ARMC5: variants seen among roughly 807,000 people sequenced by gnomAD.
ARMC5 encodes armadillo repeat containing 5, also known as armadillo repeat-containing protein 5.
In ARMC5, 28 loss-of-function variants were observed where a neutral mutation model predicts 60.5. That is an observed-to-expected ratio of 0.46 (90% CI 0.34 to 0.63). The LOEUF (loss-of-function observed/expected upper bound fraction) is 0.63. Among genes scored for constraint, ARMC5 ranks in the 30% least tolerant of loss-of-function variants. The pLI is 0.01. For missense variants in ARMC5, 1,189 were observed against 1,304.9 expected, an observed-to-expected ratio of 0.91 and a Z score of 1.37; for synonymous variants, 680 against 607.3, an observed-to-expected ratio of 1.12 and a Z score of -1.76.
chr16:31,461,609 G>A (rs960047379), intron 1 of ARMC5, among the ~76,000 whole-genome samples: 1 of 152,208 alleles, frequency 6.6e-6, no homozygotes, highest in African/African-American at 2.4e-5. Flanking sequence ...CTGGGTTCAA[G>A]CAATTCTCCT....
intron 1 of ARMC5, 51 bp downstream of exon 1, chr16:31,460,050 G>C: frequency 6.3e-7 from 1 of 1,580,534 alleles, no homozygotes. Flanking sequence ...CAACTCCCTT[G>C]CTCTCTAGAC....
Position 31,464,546 on chromosome 16 carries a change from G to C in ARMC5, c.1523G>C (p.Gly508Ala), listed in dbSNP as rs1034459980. 22 of 1,588,128 alleles carry C rather than the reference G, an allele frequency of 1.4e-5. 1 individual carries two copies. The highest frequency in any genetic ancestry group is 1.6e-5 in the Non-Finnish European group (19 of 1,168,912). ...GCACCACGCACCCAACGCACTCCGGGCCGCAGCCCCGCCGCCGCCATCGAG... is the reference window on the plus strand; with the variant it reads ...GCACCACGCACCCAACGCACTCCGGCCCGCAGCCCCGCCGCCGCCATCGAG... ...LRAPRTQRTPGRSPAAAIEEP... is the reference protein window; with the variant it reads ...LRAPRTQRTPARSPAAAIEEP... Residue 508 changes from glycine to alanine, a missense_variant, in exon 4 of 6, where the codon GGC (glycine) becomes GCC (alanine). Physicochemically the swap from Gly to Ala is moderately conservative, Grantham distance 60. Around this residue, in one of 2 missense-constraint regions of ARMC5, gnomAD observed 862 missense variants for 1,071.2 expected, o/e 0.80. Coordinates refer to ENST00000268314, the MANE Select transcript of ARMC5 (RefSeq NM_001105247.2). The surrounding 1 kb of genome is among the most constrained non-coding windows in gnomAD (Gnocchi z 7.6).
In ARMC5 at chr16:31,464,464, T is replaced by C. The variant is rs1214530778; in HGVS notation, c.1441T>C (p.Cys481Arg). ...DISPDWSPEQ[C>R]PPEPMEPASP... Reference sequence around the variant, plus strand: ...CTCCCCCGACTGGTCTCCTGAGCAGTGTCCGCCGGAGCCCATGGAGCCGGC... The same window carrying C: ...CTCCCCCGACTGGTCTCCTGAGCAGCGTCCGCCGGAGCCCATGGAGCCGGC... Residue 481 changes from cysteine to arginine, a missense_variant, in exon 4 of 6, where the codon TGT (cysteine) becomes CGT (arginine). Cys to Arg is a radical substitution (Grantham distance 180). This residue lies in a region of ARMC5 where 862 missense variants were observed against 1,071.2 expected (regional missense o/e 0.80). Coordinates refer to ENST00000268314, the MANE Select transcript of ARMC5 (RefSeq NM_001105247.2). The surrounding 1 kb of genome is among the most constrained non-coding windows in gnomAD (Gnocchi z 7.6). 3.1e-6 allele frequency: 5 copies of C among 1,601,428 alleles called. No individual in the cohort carries two copies. The highest frequency in any genetic ancestry group is 3.4e-6 in the Non-Finnish European group (4 of 1,175,266).
At chr16:31,460,108 T>G in intron 1 of ARMC5, 109 bp downstream of exon 1, 1 of 1,204,328 alleles carries the variant, frequency 8.3e-7, no homozygotes, top group South Asian at 1.3e-5. Context: ...TAACGTGCTT[T>G]GTGATGGCGC....
intron 3 of ARMC5, among the ~76,000 whole-genome samples, chr16:31,463,179 A>C (rs1188506524): frequency 2.0e-5 from 3 of 151,210 alleles, no homozygotes; most frequent in Non-Finnish European, 4.4e-5. Flanking sequence ...ACTCACTGCA[A>C]CCTCTACCTC....
intron 1 of ARMC5, 176 bp downstream of exon 1, chr16:31,460,175 TGAGA>T: frequency 1.6e-6 from 1 of 632,406 alleles, no homozygotes; most frequent in Non-Finnish European, 2.6e-6. Flanking sequence ...TCTCTATAGA[TGAGA>T]GAGAGCCCTC....
chr16:31,461,919 C>G lies in ARMC5; in HGVS notation c.476-3C>G. 1 of 1,613,682 alleles carries G rather than the reference C, an allele frequency of 6.2e-7. No individual in the cohort carries two copies. The highest frequency in any genetic ancestry group is 8.5e-7 in the Non-Finnish European group (1 of 1,179,560). On this transcript the variant is annotated splice_polypyrimidine_tract_variant and splice_region_variant and intron_variant, in intron 1 of 5. Coordinates refer to ENST00000268314, the MANE Select transcript of ARMC5 (RefSeq NM_001105247.2). ...CCCTCACAAGCCCAAACTGTCGTTG[C>G]AGTGACCATTCTTCAGTGCATGAAG...
intron 1 of ARMC5, 37 bp downstream of exon 1, chr16:31,460,036 T>G (rs1474194926): frequency 6.3e-7 from 1 of 1,589,988 alleles, no homozygotes; most frequent in Admixed American, 1.7e-5. Flanking sequence ...AAAGATTAGG[T>G]TTGCAACTCC....
chr16:31,460,720 A>G (rs1270375358), intron 1 of ARMC5, among the ~76,000 whole-genome samples: 2 of 152,240 alleles, frequency 1.3e-5, no homozygotes, highest in African/African-American at 4.8e-5. Context: ...AGCCTGGGCA[A>G]CGTAACAAGA....
rs1377431315 is a variant in ARMC5 at position 31,459,508 on chromosome 16, C to G, written c.-17C>G. ...TCAGCGGCGAGAAGCGGGGCGGAGT[C>G]TGAGGCCCGAGCCAAGATGGCGGCT... On this transcript the variant is annotated 5_prime_UTR_variant, in exon 1 of 6. Transcript: ENST00000268314. 1.9e-6 allele frequency: 3 copies of G among 1,594,098 alleles called. No homozygotes were observed. The highest frequency in any genetic ancestry group is 2.6e-6 in the Non-Finnish European group (3 of 1,173,504).
At position 31,462,036 on chromosome 16, in the gene ARMC5, G is replaced by A; in HGVS notation, c.583+7G>A. 5 of 1,614,110 alleles carry A rather than the reference G, an allele frequency of 3.1e-6. No individual in the cohort carries two copies. The highest frequency in any genetic ancestry group is 4.2e-6 in the Non-Finnish European group (5 of 1,179,944). On this transcript the variant is annotated splice_region_variant and intron_variant, in intron 2 of 5. Transcript: ENST00000268314. This position sits in a 1 kb window ranked among gnomAD's most constrained non-coding sequence, Gnocchi z 7.2. ...GGGGACATCCACTGTGCTGGTAAGA[G>A]GCTGTGAGGTTGGGGTCTGCTAGGG... is the stretch of plus-strand genomic sequence containing the variant.
rs1156615305 is a variant in ARMC5, at chr16:31,459,683, G to A, written c.159G>A (p.Lys53=). ...TAGCCCTCCGCACGCGCCACATCAAGGCAGCGGGGGGAATCGAGCGCTTCC... is the reference window on the plus strand; with the variant it reads ...TAGCCCTCCGCACGCGCCACATCAAAGCAGCGGGGGGAATCGAGCGCTTCC... ...ALLALRTRHI[K]AAGGIERFRA... is the part of the protein sequence containing the mutation. The change falls in exon 1 of 6, where the codon AAG becomes AAA. Residue 53 remains lysine, a synonymous_variant. Transcript: ENST00000268314. The A allele has an allele frequency of 1.3e-6, 2 of 1,574,702 alleles. No homozygotes were observed. Among genetic ancestry groups the A allele is most frequent in the South Asian group, 1.1e-5 (1 of 88,860 alleles).
rs1217751589 is a variant in ARMC5 at position 31,465,297 on chromosome 16, G to T, written c.1864+410G>T. On this transcript the variant is annotated intron_variant, in intron 4 of 5. Transcript: ENST00000268314. ...CCTGTCTGCTGTGCCCTGACCACAG[G>T]CTGCTTCATGGCGTTACTGCTAGAC... The T allele has an allele frequency of 9.5e-6, 14 of 1,469,844 alleles. 1 individual carries two copies. Among genetic ancestry groups the T allele is most frequent in the Non-Finnish European group, 1.3e-5 (14 of 1,113,346 alleles). 91.1% of individuals were successfully genotyped at this position (1,469,844 alleles called of 1,614,324 possible).
Position 31,462,406 on chromosome 16 carries a change from G to A in ARMC5, c.859G>A (p.Val287Ile), listed in dbSNP as rs118073437. The change falls in exon 3 of 6, where the codon GTC becomes ATC. Residue 287 changes from valine to isoleucine, a missense_variant. Around this residue, in one of 2 missense-constraint regions of ARMC5, gnomAD observed 862 missense variants for 1,071.2 expected, o/e 0.80. Transcript: ENST00000268314. The surrounding 1 kb of genome is among the most constrained non-coding windows in gnomAD (Gnocchi z 7.2). Reference sequence around the variant, plus strand: ...TCTGGGTGGGGGATTGGGCCCACTCGTCAGCCTGGCTTCCCACCCCAAGCG... The same window carrying A: ...TCTGGGTGGGGGATTGGGCCCACTCATCAGCCTGGCTTCCCACCCCAAGCG... ...LSLGGGLGPL[V>I]SLASHPKRAV... The A allele has an allele frequency of 3.3e-5, 53 of 1,610,292 alleles. No homozygotes were observed. Among genetic ancestry groups the A allele is most frequent in the Non-Finnish European group, 4.4e-5 (52 of 1,177,738 alleles).
rs998155443 is a variant in ARMC5 at position 31,466,042 on chromosome 16, G to A, written c.1998-37G>A. 1.4e-5 allele frequency: 22 copies of A among 1,592,046 alleles called. No individual in the cohort carries two copies. Among genetic ancestry groups the A allele is most frequent in the African/African-American group, 2.7e-5 (2 of 74,500 alleles). ...GAGGAGTGCTGTGTTTCCCAGGCCC[G>A]TTGCCCACCTTTTGAAAGGCCCTCT... is the stretch of plus-strand genomic sequence containing the variant. On this transcript the variant is annotated intron_variant, in intron 5 of 5. Transcript: ENST00000268314. The surrounding 1 kb of genome is among the most constrained non-coding windows in gnomAD (Gnocchi z 8.0).
Position 31,466,461 on chromosome 16 carries a change from G to A in ARMC5, c.2380G>A (p.Gly794Ser), listed in dbSNP as rs1277638305. 1.2e-6 allele frequency: 2 copies of A among 1,611,556 alleles called. No homozygotes were observed. Among genetic ancestry groups the A allele is most frequent in the African/African-American group, 1.3e-5 (1 of 74,948 alleles). ...CCAGATGGACCTGGTGCCCCTGCGAGGTCTGTCGCCTGGTGCAGCCTGGCC... is the reference window on the plus strand; with the variant it reads ...CCAGATGGACCTGGTGCCCCTGCGAAGTCTGTCGCCTGGTGCAGCCTGGCC... ...EAQMDLVPLR[G>S]LSPGAAWPVL... The change falls in exon 6 of 6, where the codon GGT becomes AGT. Residue 794 changes from glycine to serine, a missense_variant. By Grantham distance (56) the Gly-to-Ser change is moderately conservative. Around this residue, in one of 2 missense-constraint regions of ARMC5, gnomAD observed 862 missense variants for 1,071.2 expected, o/e 0.80. Transcript: ENST00000268314. This position sits in a 1 kb window ranked among gnomAD's most constrained non-coding sequence, Gnocchi z 8.0.
At chr16:31,459,190 G>A, upstream of ARMC5, 2 of 1,522,166 alleles carry the variant, frequency 1.3e-6, no homozygotes, top group Non-Finnish European at 1.8e-6. Flanking sequence ...AAGGCTCCGT[G>A]GTCGGACTTC....
At position 31,465,874 on chromosome 16, in the gene ARMC5, C is replaced by A. The variant is rs201098944; in HGVS notation, c.1889C>A (p.Thr630Lys). 3.2e-5 allele frequency: 52 copies of A among 1,609,584 alleles called. No individual in the cohort carries two copies. In the African/African-American group the frequency reaches 6.5e-4, roughly 20 times the overall value. ...GGGGAGAGGCTACTGCAGAACCTGACGGTTCAGGCTGAGTCGCCCTTTGGG... is the reference window on the plus strand; with the variant it reads ...GGGGAGAGGCTACTGCAGAACCTGAAGGTTCAGGCTGAGTCGCCCTTTGGG... ...ELGERLLQNL[T>K]VQAESPFGVG... Residue 630 changes from threonine (T) to lysine (K), a missense_variant, in exon 5 of 6, where the codon ACG becomes AAG. Physicochemically the swap from Thr to Lys is moderately conservative, Grantham distance 78. Around this residue, in one of 2 missense-constraint regions of ARMC5, gnomAD observed 862 missense variants for 1,071.2 expected, o/e 0.80. Transcript: ENST00000268314.
chr16:31,458,581 C>A (rs2082267248), upstream of ARMC5: 1 of 1,479,960 alleles, frequency 6.8e-7, no homozygotes, highest in Admixed American at 2.0e-5. Flanking sequence ...ACATTTCCGG[C>A]ACTCGCAGGT....
Sources: gnomAD v4.1 joint callset for allele counts (sites outside exome capture counted in the v4.1 genomes callset) on GRCh38, gnomAD v4.1.1 for gene constraint, gnomAD v4.1.1 regional missense constraint, Gnocchi (gnomAD v3.1) non-coding constraint, MANE v1.5 for transcripts, NCBI Gene and HGNC (gene_info 2026-07-23, HGNC 2026-07-21) for gene names.